CIB4: variants seen among roughly 807,000 people sequenced by gnomAD.
CIB4 encodes calcium and integrin binding family member 4.
CIB4 carries 25 observed loss-of-function variants against 25.8 expected under a neutral mutation model. That is an observed-to-expected ratio of 0.97 (90% CI 0.71 to 1.35). The LOEUF (loss-of-function observed/expected upper bound fraction) is 1.35, where lower values mean the gene tolerates loss of function less well. Ranked by LOEUF, CIB4 falls within the 40% of genes most tolerant of loss-of-function variation. The pLI is 0.00. For missense variants in CIB4, 235 were observed against 228.2 expected, an observed-to-expected ratio of 1.03 and a Z score of -0.19; for synonymous variants, 75 against 81.4, an observed-to-expected ratio of 0.92 and a Z score of 0.42.
At chr2:26,608,015 A>T (rs1156273896) in intron 3 of CIB4, among the ~76,000 whole-genome samples, 1 of 152,252 alleles carries the variant, frequency 6.6e-6, no homozygotes, top group African/African-American at 2.4e-5. Context: ...AGACGGGTGG[A>T]TCACCTGAAG....
intron 2 of CIB4, among the ~76,000 whole-genome samples, chr2:26,632,164 G>A (rs1669432072): frequency 6.6e-6 from 1 of 152,236 alleles, no homozygotes; most frequent in Admixed American, 6.5e-5. Flanking sequence ...TCTGTCTGAT[G>A]GAGAGCCAGC....
At chr2:26,641,107 T>C (rs974923717) in intron 1 of CIB4, among the ~76,000 whole-genome samples, 154 bp downstream of exon 1, 5 of 152,192 alleles carry the variant, frequency 3.3e-5, no homozygotes, top group Non-Finnish European at 5.9e-5. Context: ...GTGTATTTTA[T>C]GTGTGGCCCA....
At chr2:26,593,443 ACC>A (rs1491255625) in intron 4 of CIB4, among the ~76,000 whole-genome samples, 36 of 148,984 alleles carry the variant, frequency 2.4e-4, no homozygotes, top group Non-Finnish European at 5.1e-4. Context: ...CACTATATAT[ACC>A]CACACATACA....
chr2:26,628,734 C>T (rs574891400), intron 3 of CIB4, among the ~76,000 whole-genome samples: 2 of 152,324 alleles, frequency 1.3e-5, no homozygotes, highest in Non-Finnish European at 2.9e-5. Context: ...AGCCCTGCTC[C>T]TCCTGTCTTC....
At chr2:26,604,352 C>T (rs1572552899) in intron 3 of CIB4, among the ~76,000 whole-genome samples, 2 of 152,140 alleles carry the variant, frequency 1.3e-5, no homozygotes, top group East Asian at 3.9e-4. Context: ...TGCACTCCAG[C>T]CTGGGTGACA....
chr2:26,623,031 A>C (rs1175652869), intron 3 of CIB4, among the ~76,000 whole-genome samples: 1 of 151,930 alleles, frequency 6.6e-6, no homozygotes, highest in Non-Finnish European at 1.5e-5. Context: ...AAAAACTAAA[A>C]AAAATTTTTT....
At chr2:26,596,112 A>C (rs1668678528) in intron 3 of CIB4, among the ~76,000 whole-genome samples, 1 of 152,248 alleles carries the variant, frequency 6.6e-6, no homozygotes, top group Non-Finnish European at 1.5e-5. Context: ...ATAGTTAAAT[A>C]AAGGTATAGA....
At chr2:26,631,463 G>A (rs115836251) in intron 2 of CIB4, among the ~76,000 whole-genome samples, 2,148 of 152,282 alleles carry the variant, frequency 0.014, 67 homozygotes, top group African/African-American at 0.05. Flanking sequence ...GACAGAGCAA[G>A]ACCCCGTCTC....
intron 4 of CIB4, among the ~76,000 whole-genome samples, chr2:26,594,258 G>C (rs147257850): frequency 3.3e-5 from 5 of 152,164 alleles, no homozygotes; most frequent in South Asian, 2.1e-4. Flanking sequence ...ATTCTCAGGA[G>C]GGGACTCTGT....
chr2:26,581,369 T>G lies in CIB4; in HGVS notation c.552A>C (p.Gly184=), dbSNP rs1206252109. 2 of 1,613,640 alleles carry G rather than the reference T, an allele frequency of 1.2e-6. No individual in the cohort carries two copies. Among genetic ancestry groups the G allele is most frequent in the Non-Finnish European group, 1.7e-6 (2 of 1,179,726 alleles). The change falls in exon 7 of 7, where the codon GGA becomes GGC. Residue 184 remains glycine, a synonymous_variant. Coordinates refer to ENST00000288861, the MANE Select transcript of CIB4 (RefSeq NM_001029881.3). ...TCAGGTGTTTGCCGCTACATCAGCA[T>G]CCCCAGAAGTGAATCCGAAAGGAGC... is the stretch of plus-strand genomic sequence containing the variant. ...FMNSFRIHFW[G]C
At chr2:26,605,678 A>C (rs1668874896) in intron 3 of CIB4, 12 of 373,078 alleles carry the variant, frequency 3.2e-5, no homozygotes, top group South Asian at 2.4e-4. Flanking sequence ...CAGACCCAAC[A>C]AGTGAGCACC....
At chr2:26,596,751 A>G (rs1314223901) in intron 3 of CIB4, among the ~76,000 whole-genome samples, 1 of 152,038 alleles carries the variant, frequency 6.6e-6, no homozygotes, top group Non-Finnish European at 1.5e-5. Flanking sequence ...GCATCTAAAA[A>G]AAAAAAAAAA....
intron 3 of CIB4, among the ~76,000 whole-genome samples, chr2:26,617,895 G>A (rs1318244517): frequency 1.3e-5 from 2 of 152,198 alleles, no homozygotes; most frequent in Non-Finnish European, 2.9e-5. Context: ...CTCTGGACAC[G>A]GTAGAAAATC....
At chr2:26,604,016 A>AG (rs895686163) in intron 3 of CIB4, among the ~76,000 whole-genome samples, 3 of 151,188 alleles carry the variant, frequency 2.0e-5, no homozygotes, top group African/African-American at 7.3e-5. Context: ...AAAAAAAAAA[A>AG]AAAGAAAGAA....
At chr2:26,640,621 C>T in intron 1 of CIB4, 54 bp from the exon 2 acceptor site, 1 of 1,568,924 alleles carries the variant, frequency 6.4e-7, no homozygotes, top group South Asian at 1.2e-5. Context: ...CCTGCTGTGG[C>T]CCCTGGGGAG....
At chr2:26,585,367 G>A (rs945739405) in intron 4 of CIB4, among the ~76,000 whole-genome samples, 1 of 151,878 alleles carries the variant, frequency 6.6e-6, no homozygotes, top group African/African-American at 2.4e-5. Context: ...TGCGGGGAGG[G>A]CCTGGGTGGA....
At chr2:26,588,411 G>A (rs1036246065) in intron 4 of CIB4, among the ~76,000 whole-genome samples, 1 of 152,176 alleles carries the variant, frequency 6.6e-6, no homozygotes, top group Admixed American at 6.5e-5. Flanking sequence ...CAGCCCAGGC[G>A]GCCTCTGCAG....
intron 3 of CIB4, among the ~76,000 whole-genome samples, chr2:26,614,758 A>G (rs1432120315): frequency 6.6e-6 from 1 of 152,232 alleles, no homozygotes; most frequent in Non-Finnish European, 1.5e-5. Context: ...GGGCTGAGCC[A>G]CAGAATCCTT....
intron 3 of CIB4, among the ~76,000 whole-genome samples, chr2:26,612,556 C>A (rs1332035230): frequency 1.3e-5 from 2 of 152,054 alleles, no homozygotes; most frequent in Non-Finnish European, 2.9e-5. Context: ...GGCTCGGAGG[C>A]CTCTCTAAGG....
Sources: allele counts gnomAD v4.1 joint callset (sites outside exome capture counted in the v4.1 genomes callset), GRCh38; gene constraint gnomAD v4.1.1; transcripts MANE v1.5; gene names NCBI Gene and HGNC (gene_info 2026-07-23, HGNC 2026-07-21).